Variants in SEPTIN2 observed in about 807,000 individuals in gnomAD.
SEPTIN2 encodes the protein septin 2.
A neutral mutation model predicts 46.5 loss-of-function variants in SEPTIN2; 34 were observed. The observed-to-expected ratio is 0.73, with a 90% confidence interval of 0.56 to 0.97. The LOEUF (loss-of-function observed/expected upper bound fraction) is 0.97. SEPTIN2 is among the 50% of genes least tolerant of loss of function. The pLI is 0.00. For synonymous variants in SEPTIN2, 175 were observed against 153.4 expected, an observed-to-expected ratio of 1.14 and a Z score of -1.04; for missense variants, 347 against 448.4, an observed-to-expected ratio of 0.77 and a Z score of 2.04.
chr2:241,346,757 A>G (rs140807198), intron 10 of SEPTIN2, among the ~76,000 whole-genome samples: 1 of 152,268 alleles, frequency 6.6e-6, no homozygotes, highest in Non-Finnish European at 1.5e-5. Context: ...TGTCTCAAAA[A>G]ACAAACAAAA....
In SEPTIN2 at chr2:241,350,190, T is replaced by C. The variant is rs747113316; in HGVS notation, c.*16T>C. ...CCACGTGTAAGGTGATGTGCACATA[T>C]CAAGAAGTCAGAGGTAGGCCCTGTT... On this transcript the variant is annotated 3_prime_UTR_variant, in exon 12 of 13. Transcript: ENST00000391971. The C allele has an allele frequency of 6.3e-7, 1 of 1,594,138 alleles. No individual in the cohort carries two copies. Among genetic ancestry groups the C allele is most frequent in the Non-Finnish European group, 8.5e-7 (1 of 1,169,966 alleles).
chr2:241,325,508 T>C (rs1035372383), intron 2 of SEPTIN2, among the ~76,000 whole-genome samples: 2 of 152,148 alleles, frequency 1.3e-5, no homozygotes, highest in African/African-American at 4.8e-5. Flanking sequence ...GAGAGATGCT[T>C]TTTTCCTCGA....
intron 11 of SEPTIN2, 128 bp from the exon 12 acceptor site, chr2:241,349,945 T>C (rs1481816209): frequency 6.2e-6 from 5 of 801,298 alleles, no homozygotes; most frequent in African/African-American, 5.2e-5. Flanking sequence ...AAAAAGTCTT[T>C]ATGTAATAAC....
chr2:241,338,976 A>T (rs1278830721), intron 7 of SEPTIN2, among the ~76,000 whole-genome samples: 3 of 110,556 alleles, frequency 2.7e-5, no homozygotes, highest in African/African-American at 7.3e-5. Flanking sequence ...TAAATATAAT[A>T]TATAAATATA....
chr2:241,327,970 C>G (rs914738770), intron 3 of SEPTIN2, among the ~76,000 whole-genome samples: 14 of 152,088 alleles, frequency 9.2e-5, no homozygotes, highest in African/African-American at 3.1e-4. Flanking sequence ...GGAGGATCAC[C>G]TCAGCCTGAG....
intron 3 of SEPTIN2, among the ~76,000 whole-genome samples, chr2:241,332,390 A>G (rs778057888): frequency 2.0e-5 from 3 of 152,234 alleles, no homozygotes; most frequent in Non-Finnish European, 2.9e-5. Flanking sequence ...ACTAAGGAAG[A>G]TAAACAAATA....
chr2:241,343,431 A>G (rs556224565), intron 8 of SEPTIN2, among the ~76,000 whole-genome samples: 86 of 152,150 alleles, frequency 5.7e-4, no homozygotes, highest in African/African-American at 2.0e-3. Flanking sequence ...CCCAGGAGGC[A>G]GAGGTTGCAG....
intron 9 of SEPTIN2, among the ~76,000 whole-genome samples, chr2:241,345,248 T>C (rs2081853425): frequency 6.6e-6 from 1 of 152,256 alleles, no homozygotes; most frequent in Admixed American, 6.5e-5. Context: ...ATTTGCCGCA[T>C]GTCTCACTTA....
chr2:241,321,876 A>C (rs2077185172), intron 1 of SEPTIN2, among the ~76,000 whole-genome samples: 1 of 151,952 alleles, frequency 6.6e-6, no homozygotes, highest in African/African-American at 2.4e-5. Context: ...TGAAAACGAG[A>C]TGCCAACTCC....
intron 2 of SEPTIN2, 179 bp downstream of exon 2, chr2:241,324,420 G>A (rs1448845126): frequency 1.9e-6 from 1 of 539,882 alleles, no homozygotes; most frequent in Non-Finnish European, 3.3e-6. Flanking sequence ...CGGGAGTCTT[G>A]TTCTGTCACC....
chr2:241,324,106 A>G lies in SEPTIN2; in HGVS notation c.-17-110A>G, dbSNP rs529524120. On this transcript the variant is annotated intron_variant, in intron 1 of 12. Transcript: ENST00000391971. ...ATTGTATTTTCTTTTTACATTGCCT[A>G]TGTATGTGTAAGTCTTCTTCAGGTC... 4 of 942,028 alleles carry G rather than the reference A, an allele frequency of 4.2e-6. No homozygotes were observed. The African/African-American group carries it at 5.0e-5, about 12-fold the overall frequency. 58.4% of individuals were successfully genotyped at this position (942,028 alleles called of 1,614,324 possible).
intron 3 of SEPTIN2, among the ~76,000 whole-genome samples, chr2:241,334,243 A>G (rs935899230): frequency 6.6e-6 from 1 of 152,148 alleles, no homozygotes; most frequent in Non-Finnish European, 1.5e-5. Context: ...AGGGTGGTTT[A>G]GGGTACCCAG....
intron 9 of SEPTIN2, 45 bp downstream of exon 9, chr2:241,343,942 A>G (rs746878967): frequency 1.2e-6 from 2 of 1,608,978 alleles, no homozygotes; most frequent in Non-Finnish European, 1.7e-6. Context: ...TGGCGTGAAG[A>G]ATATGGATTT....
chr2:241,323,405 A>G (rs1175298809), intron 1 of SEPTIN2, among the ~76,000 whole-genome samples: 4 of 151,172 alleles, frequency 2.6e-5, no homozygotes, highest in African/African-American at 9.7e-5. Flanking sequence ...CCTGACCTCA[A>G]GCGCCACCAT....
chr2:241,324,127 A>G (rs1000358132), intron 1 of SEPTIN2, 89 bp from the exon 2 acceptor site: 4 of 1,196,532 alleles, frequency 3.3e-6, no homozygotes, highest in Middle Eastern at 2.2e-4. Context: ...AGTCTTCTTC[A>G]GGTCAGTTCA....
At chr2:241,336,738 C>T (rs906358301) in intron 5 of SEPTIN2, 1 of 170,870 alleles carries the variant, frequency 5.9e-6, no homozygotes, top group African/African-American at 2.4e-5. Flanking sequence ...TAAACCTGTT[C>T]TTGACCCATG....
At chr2:241,332,169 A>G (rs2150000789) in intron 3 of SEPTIN2, among the ~76,000 whole-genome samples, 1 of 152,364 alleles carries the variant, frequency 6.6e-6, no homozygotes, top group Middle Eastern at 3.4e-3. Context: ...GACATGAAGA[A>G]TAGAAATTAT....
intron 11 of SEPTIN2, 22 bp downstream of exon 11, chr2:241,348,213 G>T: frequency 6.3e-7 from 1 of 1,578,152 alleles, no homozygotes; most frequent in Non-Finnish European, 8.7e-7. Flanking sequence ...AGTACTATTG[G>T]TTGGTTGGTT....
chr2:241,322,476 G>A (rs914541527), intron 1 of SEPTIN2, among the ~76,000 whole-genome samples: 5 of 151,638 alleles, frequency 3.3e-5, no homozygotes, highest in African/African-American at 2.4e-5. Flanking sequence ...GCATGGTGGC[G>A]GGCGCCTGTA....
Sources: allele counts gnomAD v4.1 joint callset (sites outside exome capture counted in the v4.1 genomes callset), GRCh38; gene constraint gnomAD v4.1.1; transcripts MANE v1.5; gene names NCBI Gene and HGNC (gene_info 2026-07-23, HGNC 2026-07-21).